CLYBL: variants seen among roughly 807,000 people sequenced by gnomAD.
The protein encoded by CLYBL is citramalyl-CoA lyase.
In CLYBL, 31 loss-of-function variants were observed where a neutral mutation model predicts 38.9. The ratio of observed to expected loss-of-function variants is 0.80; its 90% CI spans 0.60 to 1.08. The LOEUF (loss-of-function observed/expected upper bound fraction) is 1.08, where lower values mean the gene tolerates loss of function less well. Ranked by LOEUF, CLYBL falls within the 50% of genes least tolerant of loss-of-function variation. The pLI is 0.00. For missense variants in CLYBL, 434 were observed against 411.6 expected, an observed-to-expected ratio of 1.05 and a Z score of -0.47; for synonymous variants, 171 against 158.6, an observed-to-expected ratio of 1.08 and a Z score of -0.59.
intron 2 of CLYBL, among the ~76,000 whole-genome samples, chr13:99,843,498 G>C (rs1352423185): frequency 2.0e-5 from 3 of 151,856 alleles, no homozygotes; most frequent in Non-Finnish European, 2.9e-5. Flanking sequence ...GCAGGGAGCT[G>C]TTCTCTCCAT....
intron 7 of CLYBL, among the ~76,000 whole-genome samples, chr13:99,889,414 G>A (rs1050708117): frequency 6.6e-5 from 10 of 152,098 alleles, no homozygotes; most frequent in Admixed American, 2.6e-4. Flanking sequence ...TCCACGTAAC[G>A]CCAACCTACA....
chr13:99,611,608 G>C (rs1450697545), intron 1 of CLYBL, among the ~76,000 whole-genome samples: 2 of 152,196 alleles, frequency 1.3e-5, no homozygotes, highest in Non-Finnish European at 2.9e-5. Context: ...TATTGCCTTG[G>C]TCTGGGTTTG....
chr13:99,722,873 A>T (rs2048415598), intron 1 of CLYBL, among the ~76,000 whole-genome samples: 1 of 152,226 alleles, frequency 6.6e-6, no homozygotes. Context: ...CATCATTACC[A>T]AGAGGACAGG....
chr13:99,848,072 C>T (rs1313943480), intron 2 of CLYBL, among the ~76,000 whole-genome samples: 1 of 152,168 alleles, frequency 6.6e-6, no homozygotes, highest in African/African-American at 2.4e-5. Context: ...CTGCCGCTGC[C>T]CTGCTGCTGT....
intron 1 of CLYBL, among the ~76,000 whole-genome samples, chr13:99,614,071 G>A (rs2793758): frequency 0.31 from 46,580 of 152,000 alleles, 8,498 homozygotes; most frequent in Non-Finnish European, 0.41. Flanking sequence ...AAAGGGCTGT[G>A]GATGAAGACG....
intron 1 of CLYBL, among the ~76,000 whole-genome samples, chr13:99,667,484 G>A (rs144371846): frequency 2.0e-5 from 3 of 147,840 alleles, no homozygotes; most frequent in Non-Finnish European, 3.0e-5. Context: ...TAGAAGAGTG[G>A]AGAGACCACT....
chr13:99,623,197 C>G (rs977327326), intron 1 of CLYBL, among the ~76,000 whole-genome samples: 5 of 152,234 alleles, frequency 3.3e-5, no homozygotes, highest in Non-Finnish European at 7.3e-5. Flanking sequence ...TCCACAGTGG[C>G]TGCACCATTT....
At chr13:99,624,780 C>A (rs1338579638) in intron 1 of CLYBL, among the ~76,000 whole-genome samples, 1 of 152,190 alleles carries the variant, frequency 6.6e-6, no homozygotes, top group Non-Finnish European at 1.5e-5. Context: ...TTCAGAACTT[C>A]TCACCTGTTG....
intron 1 of CLYBL, among the ~76,000 whole-genome samples, chr13:99,729,852 T>C (rs1355523875): frequency 6.8e-6 from 1 of 148,122 alleles, no homozygotes; most frequent in African/African-American, 2.4e-5. Context: ...AGTGGGGCCC[T>C]TCCCCCCGCC....
intron 1 of CLYBL, among the ~76,000 whole-genome samples, chr13:99,748,533 C>CGGAGGTTGAACTTGAGGCA (rs2048898281): frequency 6.8e-6 from 1 of 146,220 alleles, no homozygotes; most frequent in Admixed American, 6.9e-5. Flanking sequence ...TCCGCCTCCC[C>CGGAGGTTGAACTTGAGGCA]GGTTCAAGCG....
intron 7 of CLYBL, among the ~76,000 whole-genome samples, chr13:99,875,740 C>T (rs918513259): frequency 3.9e-5 from 6 of 152,292 alleles, no homozygotes; most frequent in East Asian, 1.9e-4. Flanking sequence ...ATCCAGCCCA[C>T]GACCCACAGC....
intron 2 of CLYBL, among the ~76,000 whole-genome samples, chr13:99,801,556 A>G (rs1335882258): frequency 1.3e-5 from 2 of 152,148 alleles, no homozygotes; most frequent in African/African-American, 2.4e-5. Context: ...TAAATAGACT[A>G]TTTCTTGGAA....
At chr13:99,837,890 A>AAAACGTGTACT (rs1213158740) in intron 2 of CLYBL, among the ~76,000 whole-genome samples, 3 of 152,248 alleles carry the variant, frequency 2.0e-5, no homozygotes, top group Non-Finnish European at 2.9e-5. Context: ...TCTACATACC[A>AAAACGTGTACT]AAACGTGTAC....
chr13:99,812,315 C>G (rs566213179), intron 2 of CLYBL, among the ~76,000 whole-genome samples: 1 of 152,290 alleles, frequency 6.6e-6, no homozygotes, highest in African/African-American at 2.4e-5. Context: ...CAAGAAATCC[C>G]AGAGAAGACT....
At chr13:99,630,521 A>G (rs1029515194) in intron 1 of CLYBL, among the ~76,000 whole-genome samples, 3 of 152,216 alleles carry the variant, frequency 2.0e-5, no homozygotes, top group South Asian at 4.1e-4. Context: ...AACTTTGCCT[A>G]TTTCACAAGT....
chr13:99,907,174 C>T (rs1044750579), intron 9 of CLYBL, among the ~76,000 whole-genome samples: 4 of 152,164 alleles, frequency 2.6e-5, no homozygotes, highest in African/African-American at 4.8e-5. Context: ...GCTGCAAATG[C>T]GAGTCTGGAG....
chr13:99,872,660 G>A (rs1380143344), intron 7 of CLYBL, among the ~76,000 whole-genome samples: 1 of 152,190 alleles, frequency 6.6e-6, no homozygotes, highest in Non-Finnish European at 1.5e-5. Flanking sequence ...GTCTGGGCCA[G>A]CACTGTGTCT....
At chr13:99,647,431 C>T (rs73564215) in intron 1 of CLYBL, among the ~76,000 whole-genome samples, 5,570 of 151,708 alleles carry the variant, frequency 0.037, 358 homozygotes, top group African/African-American at 0.13. Context: ...CACGCCCCCC[C>T]GGCCCCGCCC....
intron 2 of CLYBL, among the ~76,000 whole-genome samples, chr13:99,853,117 T>TGTAAACAGGGTGCCTGGCATGTAACGC (rs1460755775): frequency 3.9e-5 from 6 of 152,028 alleles, no homozygotes; most frequent in Non-Finnish European, 5.9e-5. Context: ...AAAGCCATTG[T>TGTAAACAGGGTGCCTGGCATGTAACGC]TCTAACATCT....
Sources: gnomAD v4.1 joint callset for allele counts (sites outside exome capture counted in the v4.1 genomes callset) on GRCh38, gnomAD v4.1.1 for gene constraint, MANE v1.5 for transcripts, NCBI Gene and HGNC (gene_info 2026-07-23, HGNC 2026-07-21) for gene names.